NELL1: variants seen among roughly 807,000 people sequenced by gnomAD.
NELL1 encodes neural EGFL like 1.
NELL1 carries 76 observed loss-of-function variants against 107.4 expected under a neutral mutation model. The observed-to-expected ratio is 0.71, with a 90% CI of 0.59 to 0.86. NELL1 has a LOEUF of 0.86. Among genes scored for constraint, NELL1 ranks in the 40% least tolerant of loss-of-function variants. The probability of loss-of-function intolerance (pLI) is 0.00; values close to 1 mark genes in which losing one functional copy is unlikely to be tolerated. For synonymous variants in NELL1, 353 were observed against 341.2 expected, an observed-to-expected ratio of 1.03 and a Z score of -0.38; for missense variants, 1,024 against 1,005.5, an observed-to-expected ratio of 1.02 and a Z score of -0.25.
rs145909253 is a variant in NELL1 at position 21,078,470 on chromosome 11, A to G, written c.1301-35119A>G. On this transcript the variant is annotated intron_variant, in intron 12 of 19. Coordinates refer to ENST00000357134, the MANE Select transcript of NELL1 (RefSeq NM_006157.5). ...TAAATTAACTACTAAGGCAGAACAC[A>G]TTAAAAAGAAAATATAAATCTAAAG... Among the ~76,000 whole-genome samples the G allele has an allele frequency of 7.2e-3, 1,094 of 152,304 alleles. 9 individuals are homozygous for G. The highest frequency in any genetic ancestry group is 0.025 in the African/African-American group (1,050 of 41,586).
At chr11:20,786,800 A>C (rs906252116) in intron 3 of NELL1, among the ~76,000 whole-genome samples, 3 of 151,976 alleles carry the variant, frequency 2.0e-5, no homozygotes, top group Non-Finnish European at 4.4e-5. Flanking sequence ...CAAGGTCAGG[A>C]GATCGAGACC....
At chr11:21,151,117 G>T (rs1856105725) in intron 13 of NELL1, among the ~76,000 whole-genome samples, 1 of 152,180 alleles carries the variant, frequency 6.6e-6, no homozygotes, top group Non-Finnish European at 1.5e-5. Context: ...TTTGATGTGA[G>T]ATTTGGGTAG....
intron 15 of NELL1, among the ~76,000 whole-genome samples, chr11:21,442,942 C>CTTTTTT (rs66501874): frequency 1.4e-4 from 8 of 57,562 alleles, no homozygotes; most frequent in Non-Finnish European, 2.6e-4. Context: ...GCTATCTTTC[C>CTTTTTT]TTTTTTTTTT....
intron 14 of NELL1, among the ~76,000 whole-genome samples, chr11:21,274,155 C>T (rs1385853499): frequency 6.6e-6 from 1 of 152,108 alleles, no homozygotes; most frequent in Non-Finnish European, 1.5e-5. Flanking sequence ...ATTCAGGAAA[C>T]CCATCTCACG....
In NELL1 at chr11:21,336,672, TATAC is replaced by T. The variant is rs1053812049; in HGVS notation, c.1550-34179_1550-34176del. Among the ~76,000 whole-genome samples the T allele has an allele frequency of 3.7e-4, 39 of 106,282 alleles. 1 individual carries two copies. The South Asian group carries it at 0.011, about 30-fold the overall frequency. The allele number at this position is 106,282 out of a possible 152,430, so 69.7% of individuals were successfully genotyped here. A position where few individuals can be genotyped will look rare whatever the true frequency, so the allele number is the denominator to read the frequency against. ...GTGTGTATATATATATATATATATA[TATAC>T]ACACACACACACACATTAAACAGAA... On this transcript the variant is annotated intron_variant, in intron 14 of 19. Coordinates refer to ENST00000357134, the MANE Select transcript of NELL1 (RefSeq NM_006157.5).
intron 15 of NELL1, among the ~76,000 whole-genome samples, chr11:21,445,972 T>C (rs1262888018): frequency 6.6e-6 from 1 of 152,180 alleles, no homozygotes; most frequent in Non-Finnish European, 1.5e-5. Flanking sequence ...TTATGTCCAA[T>C]GACTCTTAGA....
At chr11:21,231,541 A>C (rs1348257971) in intron 14 of NELL1, among the ~76,000 whole-genome samples, 2 of 152,196 alleles carry the variant, frequency 1.3e-5, no homozygotes, top group African/African-American at 4.8e-5. Context: ...CTAGTGCTAT[A>C]AATCTGAGGA....
chr11:21,555,690 CT>C lies in NELL1; in HGVS notation c.1787-4497del, dbSNP rs1436442101. On this transcript the variant is annotated intron_variant, in intron 16 of 19. Coordinates refer to ENST00000357134, the MANE Select transcript of NELL1 (RefSeq NM_006157.5). ...TAATGCTAAAGGGGTATTGAAAATT[CT>C]TCCTAAAAGATACATAGCAGCATCT... Among the ~76,000 whole-genome samples the C allele has an allele frequency of 7.2e-5, 11 of 152,002 alleles. No homozygotes were observed. The East Asian group carries it at 2.0e-3, about 27-fold the overall frequency.
chr11:21,296,930 C>T (rs1849387573), intron 14 of NELL1, among the ~76,000 whole-genome samples: 1 of 151,138 alleles, frequency 6.6e-6, no homozygotes, highest in South Asian at 2.1e-4. Flanking sequence ...TAACTGAACC[C>T]ATAAATCAAA....
chr11:21,075,641 C>T (rs955985071), intron 12 of NELL1, among the ~76,000 whole-genome samples: 1 of 152,064 alleles, frequency 6.6e-6, no homozygotes, highest in Non-Finnish European at 1.5e-5. Flanking sequence ...CATGGGGTTC[C>T]ATTATGTTTG....
intron 14 of NELL1, among the ~76,000 whole-genome samples, chr11:21,351,794 A>C (rs1487526317): frequency 6.6e-6 from 1 of 152,148 alleles, no homozygotes; most frequent in Admixed American, 6.6e-5. Context: ...TGCCAGCCCA[A>C]GTTCTATTTT....
rs1470149512 is a variant in NELL1, at chr11:21,370,867, G to A, written c.1564G>A (p.Gly522Ser). ...TCTTGCAACAGCTTTCTGTGAAGAG[G>A]GCTGCAGATACGGTGGAACGTGTGT... Reference protein sequence around the residue: ...GTICRAFCEEGCRYGGTCVAP... With the variant: ...GTICRAFCEESCRYGGTCVAP... Residue 522 changes from glycine to serine, a missense_variant, in exon 15 of 20, where the codon GGC (glycine) becomes AGC (serine). Coordinates refer to ENST00000357134, the MANE Select transcript of NELL1 (RefSeq NM_006157.5). The A allele has an allele frequency of 1.2e-6, 2 of 1,611,506 alleles. No individual in the cohort carries two copies. The highest frequency in any genetic ancestry group is 1.7e-6 in the Non-Finnish European group (2 of 1,178,768).
intron 17 of NELL1, among the ~76,000 whole-genome samples, chr11:21,561,532 A>G (rs1856850520): frequency 6.6e-6 from 1 of 152,104 alleles, no homozygotes; most frequent in African/African-American, 2.4e-5. Flanking sequence ...ATGAAACTGA[A>G]TTTCCATGGG....
intron 2 of NELL1, among the ~76,000 whole-genome samples, chr11:20,748,180 C>T (rs955906137): frequency 2.0e-5 from 3 of 151,968 alleles, no homozygotes; most frequent in African/African-American, 7.2e-5. Flanking sequence ...AGTGTTGCAC[C>T]TAGGATAGAC....
chr11:20,949,981 G>A (rs1480250062), intron 11 of NELL1, among the ~76,000 whole-genome samples: 4 of 152,138 alleles, frequency 2.6e-5, no homozygotes, highest in Non-Finnish European at 5.9e-5. Flanking sequence ...GTTATTTTAT[G>A]CTCTTTGACT....
At chr11:20,999,144 G>A (rs543493065) in intron 12 of NELL1, among the ~76,000 whole-genome samples, 138 of 152,266 alleles carry the variant, frequency 9.1e-4, no homozygotes, top group African/African-American at 3.1e-3. Flanking sequence ...CAAATGCTGG[G>A]GTTAAGGTTC....
At chr11:21,419,027 C>G (rs1380382598) in intron 15 of NELL1, among the ~76,000 whole-genome samples, 3 of 152,100 alleles carry the variant, frequency 2.0e-5, no homozygotes, top group African/African-American at 7.2e-5. Flanking sequence ...CTACGCTCAC[C>G]CACTTCTGCC....
At chr11:21,338,387 G>C (rs950908396) in intron 14 of NELL1, among the ~76,000 whole-genome samples, 23 of 152,190 alleles carry the variant, frequency 1.5e-4, no homozygotes, top group Admixed American at 1.5e-3. Context: ...CTTTAACTGG[G>C]TATGTGCATC....
At chr11:20,963,868 G>T (rs1285621750) in intron 12 of NELL1, among the ~76,000 whole-genome samples, 1 of 152,150 alleles carries the variant, frequency 6.6e-6, no homozygotes, top group Admixed American at 6.5e-5. Flanking sequence ...TGAAAAGCCT[G>T]TTCAGGCTCT....
Sources: gnomAD v4.1 joint callset for allele counts (sites outside exome capture counted in the v4.1 genomes callset) on GRCh38, gnomAD v4.1.1 for gene constraint, MANE v1.5 for transcripts, NCBI Gene and HGNC (gene_info 2026-07-23, HGNC 2026-07-21) for gene names.